Variants in MOB3B observed in about 807,000 individuals in gnomAD.
MOB3B encodes the protein MOB kinase activator-like 2B.
MOB3B carries 7 observed loss-of-function variants against 18.7 expected under a neutral mutation model. The ratio of observed to expected loss-of-function variants is 0.37; its 90% CI spans 0.21 to 0.70. The LOEUF (loss-of-function observed/expected upper bound fraction) is 0.70, where lower values mean the gene tolerates loss of function less well. Ranked by LOEUF, MOB3B falls within the 30% of genes least tolerant of loss-of-function variation. MOB3B has a pLI of 0.52. For missense variants in MOB3B, 253 were observed against 281.3 expected (o/e 0.90, Z 0.72); for synonymous variants, 111 against 99.9 (o/e 1.11, Z -0.66).
chr9:27,524,394 A>G (rs1401361684), intron 1 of MOB3B: 1 of 1,613,920 alleles, frequency 6.2e-7, no homozygotes, highest in East Asian at 2.2e-5. Context: ...CCTTATGGGT[A>G]TATTCATTGC....
At chr9:27,471,660 T>G (rs7026085) in intron 1 of MOB3B, among the ~76,000 whole-genome samples, 150,274 of 152,328 alleles carry the variant, frequency 0.99, 74,156 homozygotes, top group East Asian at 1. Flanking sequence ...AGAGTTAAAT[T>G]ACATTATCCA....
At chr9:27,385,082 T>C (rs1241502516) in intron 2 of MOB3B, among the ~76,000 whole-genome samples, 1 of 152,120 alleles carries the variant, frequency 6.6e-6, no homozygotes, top group African/African-American at 2.4e-5. Flanking sequence ...TATCGTTGCA[T>C]GGCCCTGCTA....
intron 1 of MOB3B, among the ~76,000 whole-genome samples, chr9:27,494,307 C>G (rs1819866378): frequency 6.6e-6 from 1 of 152,148 alleles, no homozygotes; most frequent in South Asian, 2.1e-4. Flanking sequence ...ATTCTATTGC[C>G]TTGTAAAGTA....
intron 1 of MOB3B, among the ~76,000 whole-genome samples, chr9:27,499,516 T>C (rs563352019): frequency 1.9e-4 from 29 of 152,348 alleles, no homozygotes; most frequent in African/African-American, 5.5e-4. Context: ...GGAATATTAA[T>C]CATATCTAAT....
intron 2 of MOB3B, chr9:27,420,990 T>G (rs1355973747): frequency 6.6e-6 from 1 of 152,194 alleles, no homozygotes; most frequent in Non-Finnish European, 1.5e-5. Context: ...GACCCAGAGC[T>G]TGACAACAGC....
chr9:27,437,571 T>C (rs1369052185), intron 2 of MOB3B, among the ~76,000 whole-genome samples: 2 of 152,170 alleles, frequency 1.3e-5, no homozygotes, highest in Non-Finnish European at 2.9e-5. Flanking sequence ...TGATGGACAT[T>C]AAAAAAATCC....
At position 27,325,530 on chromosome 9, in the gene MOB3B, C is replaced by A. The variant is rs1250613958; in HGVS notation, c.*5057G>T. On this transcript the variant is annotated 3_prime_UTR_variant, in exon 4 of 4. Transcript: ENST00000262244. ...TATGTAGTCACTGAAAATTCTTACT[C>A]AGAATTAATACCTGTCCAGAGGGAA... The A allele has an allele frequency of 6.6e-6, 1 of 152,214 alleles. No individual in the cohort carries two copies. Among genetic ancestry groups the A allele is most frequent in the Non-Finnish European group, 1.5e-5 (1 of 68,040 alleles). 9.4% of individuals were successfully genotyped at this position (152,214 alleles called of 1,614,324 possible). A position where few individuals can be genotyped will look rare whatever the true frequency, so the allele number is the denominator to read the frequency against.
intron 2 of MOB3B, among the ~76,000 whole-genome samples, chr9:27,433,295 C>T (rs1056364935): frequency 6.6e-6 from 1 of 152,028 alleles, no homozygotes; most frequent in Admixed American, 6.6e-5. Flanking sequence ...CCTATCTCCC[C>T]TTTTCTAGCT....
intron 2 of MOB3B, among the ~76,000 whole-genome samples, chr9:27,403,048 GGAGACTA>G (rs1323886185): frequency 6.6e-6 from 1 of 152,176 alleles, no homozygotes; most frequent in Non-Finnish European, 1.5e-5. Flanking sequence ...AGGTTAAAAG[GGAGACTA>G]GTCATGGACC....
At chr9:27,339,105 C>T (rs77756125) in intron 3 of MOB3B, among the ~76,000 whole-genome samples, 4,029 of 152,244 alleles carry the variant, frequency 0.026, 145 homozygotes, top group African/African-American at 0.092. Context: ...TCCCCCTAGG[C>T]TCAGGGGACT....
intron 2 of MOB3B, among the ~76,000 whole-genome samples, chr9:27,388,461 T>C (rs1027657641): frequency 6.6e-6 from 1 of 152,198 alleles, no homozygotes; most frequent in Non-Finnish European, 1.5e-5. Context: ...GAGTATCTTT[T>C]TTTTTCTCTT....
intron 1 of MOB3B, among the ~76,000 whole-genome samples, chr9:27,491,491 A>T (rs560324302): frequency 6.6e-6 from 1 of 152,150 alleles, no homozygotes; most frequent in African/African-American, 2.4e-5. Flanking sequence ...AAATGGTCAA[A>T]CTTTTTATTT....
Position 27,328,391 on chromosome 9 carries a change from A to G in MOB3B, c.*2196T>C, listed in dbSNP as rs1245147075. ...TGGGAACAGGAATATTCTGTGATTAAAAAAAAAAAAAGGGTAGTTTGCCAG... is the reference window on the plus strand; with the variant it reads ...TGGGAACAGGAATATTCTGTGATTAGAAAAAAAAAAAGGGTAGTTTGCCAG... On this transcript the variant is annotated 3_prime_UTR_variant, in exon 4 of 4. Transcript: ENST00000262244. 1 of 103,516 alleles carries G rather than the reference A, an allele frequency of 9.7e-6. No homozygotes were observed. Among genetic ancestry groups the G allele is most frequent in the Non-Finnish European group, 2.1e-5 (1 of 47,074 alleles). The allele number at this position is 103,516 out of a possible 1,614,324, so 6.4% of individuals were successfully genotyped here. A position where few individuals can be genotyped will look rare whatever the true frequency, so the allele number is the denominator to read the frequency against.
At chr9:27,380,208 T>C (rs1821555765) in intron 2 of MOB3B, among the ~76,000 whole-genome samples, 1 of 151,822 alleles carries the variant, frequency 6.6e-6, no homozygotes, top group Non-Finnish European at 1.5e-5. Context: ...ATTTTCCCTC[T>C]TGGGACCAAT....
rs528384906 is a variant in MOB3B, at chr9:27,394,634, G to C, written c.419-35398C>G. Reference sequence around the variant, plus strand: ...GCAGCAAATTTAGATTTAGTGTATAGGAACCTGACGGTCACACCTACTTAT... The same window carrying C: ...GCAGCAAATTTAGATTTAGTGTATACGAACCTGACGGTCACACCTACTTAT... On this transcript the variant is annotated intron_variant, in intron 2 of 3. Transcript: ENST00000262244. 9.8e-5 allele frequency among the ~76,000 whole-genome samples: 15 copies of C among 152,302 alleles called. No homozygotes were observed. In the East Asian group the frequency reaches 2.9e-3, roughly 29 times the overall value.
In MOB3B at chr9:27,499,593, C is replaced by A. The variant is rs531061126; in HGVS notation, c.-199+29962G>T. ...ACTGTCCAAATTAATGAACAGGTCC[C>A]ATTACCTAGGACTCATACTTTAACA... On this transcript the variant is annotated intron_variant, in intron 1 of 3. Transcript: ENST00000262244. Among the ~76,000 whole-genome samples the A allele has an allele frequency of 2.6e-5, 4 of 152,256 alleles. No individual in the cohort carries two copies. In the South Asian group the frequency reaches 8.3e-4, roughly 32 times the overall value.
At chr9:27,335,775 T>G (rs1820855124) in intron 3 of MOB3B, among the ~76,000 whole-genome samples, 1 of 151,882 alleles carries the variant, frequency 6.6e-6, no homozygotes, top group Non-Finnish European at 1.5e-5. Flanking sequence ...CCTCCCACCC[T>G]GTCCCCAAGG....
At chr9:27,486,113 G>C (rs1044186980) in intron 1 of MOB3B, among the ~76,000 whole-genome samples, 1 of 152,158 alleles carries the variant, frequency 6.6e-6, no homozygotes, top group African/African-American at 2.4e-5. Flanking sequence ...AGAATGAAAA[G>C]AGCAAGTGCC....
chr9:27,422,516 T>C (rs1006148717), intron 2 of MOB3B, among the ~76,000 whole-genome samples: 2 of 152,246 alleles, frequency 1.3e-5, no homozygotes, highest in Non-Finnish European at 2.9e-5. Context: ...GCAACCAAGA[T>C]GCCATATTTA....
Sources: gnomAD v4.1 joint callset for allele counts (sites outside exome capture counted in the v4.1 genomes callset) on GRCh38, gnomAD v4.1.1 for gene constraint, MANE v1.5 for transcripts, NCBI Gene and HGNC (gene_info 2026-07-23, HGNC 2026-07-21) for gene names.